Variants in PHLPP1 observed in about 807,000 individuals in gnomAD.
PHLPP1 encodes the protein PH domain and leucine rich repeat protein phosphatase 1, also known as PH domain leucine-rich repeat-containing protein phosphatase 1.
Under a neutral mutation model 117.2 loss-of-function variants are expected in PHLPP1, and 42 were observed. The ratio of observed to expected loss-of-function variants is 0.36; its 90% CI spans 0.28 to 0.46. The LOEUF (loss-of-function observed/expected upper bound fraction) is 0.46. Ranked by LOEUF, PHLPP1 falls within the 20% of genes least tolerant of loss-of-function variation. The pLI, the probability that PHLPP1 is intolerant of heterozygous loss-of-function variation, is 1.00. For synonymous variants in PHLPP1, 1,042 were observed against 970.7 expected (o/e 1.07, Z -1.37); for missense variants, 2,084 against 2,241.9 (o/e 0.93, Z 1.42).
intron 14 of PHLPP1, among the ~76,000 whole-genome samples, chr18:62,964,081 G>C (rs1390873907): frequency 6.6e-6 from 1 of 152,024 alleles, no homozygotes; most frequent in Non-Finnish European, 1.5e-5. Flanking sequence ...GGCTTTTCAG[G>C]CTTGCTTGTA....
chr18:62,892,384 C>T (rs1205845703), intron 4 of PHLPP1, among the ~76,000 whole-genome samples: 8 of 151,916 alleles, frequency 5.3e-5, no homozygotes, highest in East Asian at 3.9e-4. Flanking sequence ...TCACCACACC[C>T]GGCCAGAGTG....
chr18:62,844,900 G>A (rs182785546), intron 3 of PHLPP1, among the ~76,000 whole-genome samples: 222 of 152,302 alleles, frequency 1.5e-3, no homozygotes, highest in Non-Finnish European at 1.7e-3. Context: ...ATGAAAATGA[G>A]AACAGTTTAC....
At chr18:62,740,396 T>G (rs1289849020) in intron 1 of PHLPP1, among the ~76,000 whole-genome samples, 1 of 152,238 alleles carries the variant, frequency 6.6e-6, no homozygotes, top group Non-Finnish European at 1.5e-5. Flanking sequence ...TTTTCCATTC[T>G]TAGATTATCA....
intron 1 of PHLPP1, among the ~76,000 whole-genome samples, chr18:62,744,605 A>G (rs576801294): frequency 6.6e-6 from 1 of 152,194 alleles, no homozygotes; most frequent in Non-Finnish European, 1.5e-5. Context: ...TAGGTGCTCA[A>G]TTCTTATTGA....
At chr18:62,778,543 G>A (rs762997474) in intron 1 of PHLPP1, among the ~76,000 whole-genome samples, 2 of 152,136 alleles carry the variant, frequency 1.3e-5, no homozygotes, top group Non-Finnish European at 2.9e-5. Context: ...CTGACTTATT[G>A]TATACCGTGC....
At chr18:62,921,774 T>TA (rs1909477146) in intron 10 of PHLPP1, among the ~76,000 whole-genome samples, 1 of 152,230 alleles carries the variant, frequency 6.6e-6, no homozygotes, top group Non-Finnish European at 1.5e-5. Context: ...AAATATGACT[T>TA]ACATTCAGTA....
At position 62,903,141 on chromosome 18, in the gene PHLPP1, A is replaced by G. The variant is rs1188410051; in HGVS notation, c.2622A>G (p.Leu874=). 6.2e-7 allele frequency: 1 copy of G among 1,612,902 alleles called. No individual in the cohort carries two copies. Among genetic ancestry groups the G allele is most frequent in the South Asian group, 1.1e-5 (1 of 91,070 alleles). The part of the protein sequence containing the change: ...LVTLDICGYF[L]KALYASSNEL... ...CATTAGACATCTGTGGCTATTTCCTAAAAGCGCTCTATGCCTCTTCTAATG... is the reference window on the plus strand; with the variant it reads ...CATTAGACATCTGTGGCTATTTCCTGAAAGCGCTCTATGCCTCTTCTAATG... The change falls in exon 7 of 17, where the codon CTA becomes CTG. Residue 874 remains leucine (L), a synonymous_variant. Coordinates refer to ENST00000262719, the MANE Select transcript of PHLPP1 (RefSeq NM_194449.4).
intron 6 of PHLPP1, among the ~76,000 whole-genome samples, chr18:62,897,213 A>G (rs1008575374): frequency 1.3e-5 from 2 of 152,284 alleles, no homozygotes; most frequent in Admixed American, 6.5e-5. Flanking sequence ...ATGTAGGGAG[A>G]CATCATTTTT....
rs1040589646 is a variant in PHLPP1 at position 62,830,332 on chromosome 18, C to T, written c.1773+101C>T. Reference sequence around the variant, plus strand: ...CTCAACTCACTGCAACCTCTGCCTCCTGAGTTCAAGCGATTCTCCTGCCTC... The same window carrying T: ...CTCAACTCACTGCAACCTCTGCCTCTTGAGTTCAAGCGATTCTCCTGCCTC... On this transcript the variant is annotated intron_variant, in intron 2 of 16. Transcript: ENST00000262719. The T allele has an allele frequency of 3.2e-6, 3 of 925,480 alleles. No homozygotes were observed. The African/African-American group carries it at 5.0e-5, about 15-fold the overall frequency. The allele number at this position is 925,480 out of a possible 1,614,324, so 57.3% of individuals were successfully genotyped here. A position where few individuals can be genotyped will look rare whatever the true frequency, so the allele number is the denominator to read the frequency against.
At position 62,717,003 on chromosome 18, in the gene PHLPP1, G is replaced by A. The variant is rs774670705; in HGVS notation, c.1320G>A (p.Ala440=). Residue 440 remains alanine (A), a synonymous_variant, in exon 1 of 17, where the codon GCG becomes GCA. Coordinates refer to ENST00000262719, the MANE Select transcript of PHLPP1 (RefSeq NM_194449.4). ...VREGSCEEKA[A]AAVAPGGLQS... The stretch of plus-strand genomic sequence containing the variant: ...AGGGGTCGTGCGAGGAGAAGGCAGC[G>A]GCAGCCGTGGCCCCGGGAGGCCTCC... The A allele has an allele frequency of 8.4e-6, 13 of 1,543,526 alleles. No individual in the cohort carries two copies. The highest frequency in any genetic ancestry group is 8.3e-5 in the South Asian group (7 of 83,862).
chr18:62,718,145 C>T (rs565463879), intron 1 of PHLPP1, among the ~76,000 whole-genome samples: 2 of 152,194 alleles, frequency 1.3e-5, no homozygotes, highest in Non-Finnish European at 2.9e-5. Context: ...GCTATAGATG[C>T]TGGATATTGT....
chr18:62,774,533 A>T lies in PHLPP1; in HGVS notation c.1577-55502A>T, dbSNP rs115548058. ...TTTAGTAAGTCTTCCTTTGCCCTTG[A>T]CTGAGCTAATATCATAATGATTCCC... On this transcript the variant is annotated intron_variant, in intron 1 of 16. Coordinates refer to ENST00000262719, the MANE Select transcript of PHLPP1 (RefSeq NM_194449.4). 5.5e-3 allele frequency among the ~76,000 whole-genome samples: 833 copies of T among 152,354 alleles called. 13 individuals are homozygous for T. Among genetic ancestry groups the T allele is most frequent in the African/African-American group, 0.019 (793 of 41,570 alleles).
intron 1 of PHLPP1, among the ~76,000 whole-genome samples, chr18:62,792,943 G>A (rs1002918917): frequency 6.6e-6 from 1 of 151,860 alleles, no homozygotes; most frequent in African/African-American, 2.4e-5. Context: ...GGGAGGCTGA[G>A]GTGGGTGGAT....
At chr18:62,760,993 G>A (rs1912206556) in intron 1 of PHLPP1, among the ~76,000 whole-genome samples, 1 of 152,054 alleles carries the variant, frequency 6.6e-6, no homozygotes, top group South Asian at 2.1e-4. Flanking sequence ...CCAAGTAGCT[G>A]GGACTACAGG....
chr18:62,808,624 C>T (rs1049844376), intron 1 of PHLPP1, among the ~76,000 whole-genome samples: 10 of 150,178 alleles, frequency 6.7e-5, no homozygotes, highest in Middle Eastern at 3.5e-3. Context: ...ACCATGTTGG[C>T]TCACTGCACC....
chr18:62,821,927 CA>C (rs1013840301), intron 1 of PHLPP1, among the ~76,000 whole-genome samples: 5 of 150,892 alleles, frequency 3.3e-5, no homozygotes, highest in East Asian at 3.9e-4. Context: ...CCCATCTCTA[CA>C]AAAAAAAATT....
intron 10 of PHLPP1, among the ~76,000 whole-genome samples, chr18:62,940,644 G>A (rs1172404961): frequency 1.3e-5 from 2 of 152,066 alleles, no homozygotes; most frequent in Non-Finnish European, 2.9e-5. Context: ...GATTACAGGC[G>A]TGAGCCACCA....
intron 1 of PHLPP1, among the ~76,000 whole-genome samples, chr18:62,772,758 C>T (rs1197186026): frequency 7.0e-6 from 1 of 142,736 alleles, no homozygotes; most frequent in African/African-American, 2.7e-5. Flanking sequence ...TTGAACCTGG[C>T]AGGTGGAGGT....
chr18:62,855,284 GTCTT>G (rs1371950461), intron 3 of PHLPP1, among the ~76,000 whole-genome samples: 1 of 152,116 alleles, frequency 6.6e-6, no homozygotes, highest in Non-Finnish European at 1.5e-5. Context: ...ATGTATGTAG[GTCTT>G]TCTTATTTCA....
Sources: gnomAD v4.1 joint callset for allele counts (sites outside exome capture counted in the v4.1 genomes callset) on GRCh38, gnomAD v4.1.1 for gene constraint, MANE v1.5 for transcripts, NCBI Gene and HGNC (gene_info 2026-07-23, HGNC 2026-07-21) for gene names.